Variants in PCDHGA3 observed in about 807,000 individuals in gnomAD.
PCDHGA3 encodes the protein protocadherin gamma-A3.
Under a neutral mutation model 58.5 loss-of-function variants are expected in PCDHGA3, and 40 were observed. That is an observed-to-expected ratio of 0.68 (90% CI 0.53 to 0.89). PCDHGA3 has a LOEUF of 0.89. PCDHGA3 is among the 40% of genes least tolerant of loss of function. The pLI, the probability that PCDHGA3 is intolerant of heterozygous loss-of-function variation, is 0.00. For missense variants in PCDHGA3, 1,223 were observed against 1,195.9 expected, an observed-to-expected ratio of 1.02 and a Z score of -0.33; for synonymous variants, 530 against 525.7, an observed-to-expected ratio of 1.01 and a Z score of -0.11.
Position 141,478,316 on chromosome 5 carries a change from C to T in PCDHGA3, c.2425-16491C>T, listed in dbSNP as rs776948755. ...CCTATACCGAGCCCCGGTGAGCTCA[C>T]TGTACCGAACACCAGGGCCCTCCTT... On this transcript the variant is annotated intron_variant, in intron 1 of 3. Coordinates refer to ENST00000253812, the MANE Select transcript of PCDHGA3 (RefSeq NM_018916.4). 120 of 1,613,924 alleles carry T rather than the reference C, an allele frequency of 7.4e-5. 2 individuals carry two copies. In the South Asian group the frequency reaches 1.3e-3, roughly 18 times the overall value.
At chr5:141,350,627 A>G (rs753947991) in intron 1 of PCDHGA3, 17 of 1,613,938 alleles carry the variant, frequency 1.1e-5, no homozygotes, top group South Asian at 4.4e-5. Context: ...AATCCAAGAT[A>G]TTAATGACAA....
chr5:141,394,174 A>T, intron 1 of PCDHGA3: 1 of 1,613,824 alleles, frequency 6.2e-7, no homozygotes, highest in Non-Finnish European at 8.5e-7. Flanking sequence ...ACTTTCCCTC[A>T]TGCCTCCTAC....
At chr5:141,419,849 T>C in intron 1 of PCDHGA3, 1 of 1,614,040 alleles carries the variant, frequency 6.2e-7, no homozygotes, top group East Asian at 2.2e-5. Context: ...GCACCTGGTG[T>C]TCGCAGATAG....
rs1248714579 is a variant in PCDHGA3 at position 141,489,513 on chromosome 5, C to A, written c.2425-5294C>A. The A allele has an allele frequency of 6.2e-7, 1 of 1,614,000 alleles. No homozygotes were observed. Among genetic ancestry groups the A allele is most frequent in the African/African-American group, 1.3e-5 (1 of 74,918 alleles). ...CCCTGGCAGTGAATCAAAAGATTGACCGAGAAAGCCTATGTGGAGCCAGCA... is the reference window on the plus strand; with the variant it reads ...CCCTGGCAGTGAATCAAAAGATTGAACGAGAAAGCCTATGTGGAGCCAGCA... On this transcript the variant is annotated intron_variant, in intron 1 of 3. Coordinates refer to ENST00000253812, the MANE Select transcript of PCDHGA3 (RefSeq NM_018916.4). The surrounding 1 kb of genome is among the most constrained non-coding windows in gnomAD (Gnocchi z 4.5).
intron 1 of PCDHGA3, chr5:141,376,371 C>T: frequency 1.2e-6 from 2 of 1,614,196 alleles, no homozygotes; most frequent in African/African-American, 1.3e-5. Flanking sequence ...ACTGCAGACT[C>T]GCGTAAGAGT....
In PCDHGA3 at chr5:141,344,217, C is replaced by T. The variant is rs772663259; in HGVS notation, c.184C>T (p.Arg62Cys). 1.2e-5 allele frequency: 20 copies of T among 1,613,872 alleles called. 1 individual carries two copies. The South Asian group carries it at 2.1e-4, about 17-fold the overall frequency. ...GCTAGAGCCCCGGGAGCTGGCGGAG[C>T]GCGGAGTCCGCATCGTCTCCAGAGG... ...LGLEPRELAE[R>C]GVRIVSRGRT... The change falls in exon 1 of 4, where the codon CGC becomes TGC. Residue 62 changes from arginine (R) to cysteine (C), a missense_variant. Transcript: ENST00000253812.
Position 141,428,071 on chromosome 5 carries a change from C to T in PCDHGA3, c.2425-66736C>T, listed in dbSNP as rs968712502. ...AAGGTGGTGGCGGTGGACGCAGATTCGGGACACAACGCTTGGCTGTCCTAC... is the reference window on the plus strand; with the variant it reads ...AAGGTGGTGGCGGTGGACGCAGATTTGGGACACAACGCTTGGCTGTCCTAC... On this transcript the variant is annotated intron_variant, in intron 1 of 3. Transcript: ENST00000253812. The T allele has an allele frequency of 5.6e-6, 9 of 1,609,140 alleles. No homozygotes were observed. In the Middle Eastern group the frequency reaches 1.0e-3, roughly 184 times the overall value.
At chr5:141,403,732 G>A (rs1472288445) in intron 1 of PCDHGA3, 2 of 1,613,932 alleles carry the variant, frequency 1.2e-6, no homozygotes, top group Non-Finnish European at 1.7e-6. Context: ...CAGGCACCTG[G>A]CTGCTTACTG....
At chr5:141,399,445 G>GATA in intron 1 of PCDHGA3, 1 of 1,614,032 alleles carries the variant, frequency 6.2e-7, no homozygotes, top group Non-Finnish European at 8.5e-7. Flanking sequence ...ACATATCAGA[G>GATA]ACGTCAACGA....
intron 1 of PCDHGA3, chr5:141,399,330 A>G: frequency 6.2e-7 from 1 of 1,613,994 alleles, no homozygotes; most frequent in South Asian, 1.1e-5. Flanking sequence ...ATAAGTTGGT[A>G]ACAGATGGAA....
chr5:141,471,338 A>G (rs1562030662), intron 1 of PCDHGA3: 1 of 152,234 alleles, frequency 6.6e-6, no homozygotes, highest in Non-Finnish European at 1.5e-5. Context: ...GGTATGATCC[A>G]CTGCGCCCGG....
At position 141,489,562 on chromosome 5, in the gene PCDHGA3, G is replaced by A. The variant is rs770734883; in HGVS notation, c.2425-5245G>A. ...CACCAGCTGCCTGCTGCCAGTGCAG[G>A]TGGTGACTGAACACCCCCTGGAGCT... On this transcript the variant is annotated intron_variant, in intron 1 of 3. Coordinates refer to ENST00000253812, the MANE Select transcript of PCDHGA3 (RefSeq NM_018916.4). The surrounding 1 kb of genome is among the most constrained non-coding windows in gnomAD (Gnocchi z 4.5). 2 of 1,614,114 alleles carry A rather than the reference G, an allele frequency of 1.2e-6. No homozygotes were observed. Among genetic ancestry groups the A allele is most frequent in the Non-Finnish European group, 1.7e-6 (2 of 1,180,028 alleles).
chr5:141,383,610 C>T, intron 1 of PCDHGA3: 1 of 1,613,818 alleles, frequency 6.2e-7, no homozygotes, highest in South Asian at 1.1e-5. Flanking sequence ...ATGTGAATGA[C>T]CACACGCCTG....
intron 1 of PCDHGA3, chr5:141,400,462 G>C: frequency 1.2e-6 from 2 of 1,614,062 alleles, no homozygotes; most frequent in Non-Finnish European, 1.7e-6. Flanking sequence ...ACTTTGTGGT[G>C]ATTCATCTGG....
chr5:141,431,604 G>C lies in PCDHGA3; in HGVS notation c.2425-63203G>C. 1 of 1,614,206 alleles carries C rather than the reference G, an allele frequency of 6.2e-7. No individual in the cohort carries two copies. Among genetic ancestry groups the C allele is most frequent in the South Asian group, 1.1e-5 (1 of 91,088 alleles). On this transcript the variant is annotated intron_variant, in intron 1 of 3. Coordinates refer to ENST00000253812, the MANE Select transcript of PCDHGA3 (RefSeq NM_018916.4). The surrounding 1 kb of genome is among the most constrained non-coding windows in gnomAD (Gnocchi z 4.8). ...AATGCGGAAGTGAGGTATTCCTTCC[G>C]GTATGTGGACGACAAGGCGGCCCAA...
intron 1 of PCDHGA3, among the ~76,000 whole-genome samples, chr5:141,349,082 T>G (rs1385780798): frequency 6.6e-6 from 1 of 152,112 alleles, no homozygotes; most frequent in Non-Finnish European, 1.5e-5. Flanking sequence ...TTATAGAGAA[T>G]GTTTTTGAGA....
In PCDHGA3 at chr5:141,383,993, T is replaced by G. The variant is rs1779669421; in HGVS notation, c.2424+37536T>G. The G allele has an allele frequency of 3.7e-6, 6 of 1,613,872 alleles. No individual in the cohort carries two copies. The highest frequency in any genetic ancestry group is 1.6e-4 in the Middle Eastern group (1 of 6,062). ...CCTGAAGACACACCTCTTGGGACAG[T>G]CATTGCTCTTTTCTACCTACAAGAC... On this transcript the variant is annotated intron_variant, in intron 1 of 3. Transcript: ENST00000253812.
At chr5:141,404,142 CAGA>C (rs781433913) in intron 1 of PCDHGA3, 21 of 1,612,668 alleles carry the variant, frequency 1.3e-5, no homozygotes, top group Middle Eastern at 1.6e-4. Context: ...TTAGAAAATT[CAGA>C]AGAAGATTAT....
At chr5:141,355,743 C>A (rs750434737) in intron 1 of PCDHGA3, 2 of 1,613,960 alleles carry the variant, frequency 1.2e-6, no homozygotes, top group East Asian at 2.2e-5. Flanking sequence ...TTTCCCTGGA[C>A]GTGCAAAGTG....
Sources: allele counts gnomAD v4.1 joint callset (sites outside exome capture counted in the v4.1 genomes callset), GRCh38; gene constraint gnomAD v4.1.1; non-coding constraint Gnocchi (gnomAD v3.1); transcripts MANE v1.5; gene names NCBI Gene and HGNC (gene_info 2026-07-23, HGNC 2026-07-21).